LIM2: variants seen among roughly 807,000 people sequenced by gnomAD.
The protein encoded by LIM2 is lens fiber membrane intrinsic protein.
A neutral mutation model predicts 19.0 loss-of-function variants in LIM2; 14 were observed. That is an observed-to-expected ratio of 0.74 (90% CI 0.49 to 1.15). LIM2 has a LOEUF of 1.15. Ranked by LOEUF, LIM2 falls within the 50% of genes most tolerant of loss-of-function variation. The probability of loss-of-function intolerance (pLI) is 0.00; values close to 1 mark genes in which losing one functional copy is unlikely to be tolerated. For synonymous variants in LIM2, 78 were observed against 89.6 expected (o/e 0.87, Z 0.73); for missense variants, 230 against 243.5 (o/e 0.94, Z 0.37).
In LIM2 at chr19:51,380,652, G is replaced by A; in HGVS notation, c.326-13C>T. The A allele has an allele frequency of 6.2e-7, 1 of 1,614,034 alleles. No homozygotes were observed. Among genetic ancestry groups the A allele is most frequent in the Non-Finnish European group, 8.5e-7 (1 of 1,179,986 alleles). ...ACGACGAAAAGGGCTGGGGAGAGAG[G>A]GCGGGAGGATGCAGGTGGGACTAAG... On this transcript the variant is annotated splice_polypyrimidine_tract_variant and intron_variant, in intron 3 of 4. Transcript: ENST00000596399.
At chr19:51,383,337 C>T (rs1039411309) in intron 2 of LIM2, among the ~76,000 whole-genome samples, 5 of 152,102 alleles carry the variant, frequency 3.3e-5, no homozygotes, top group African/African-American at 4.8e-5. Flanking sequence ...GCCCAGCCTA[C>T]TCTTTCATTT....
At chr19:51,384,603 G>A (rs1986982455) in intron 2 of LIM2, among the ~76,000 whole-genome samples, 2 of 152,162 alleles carry the variant, frequency 1.3e-5, no homozygotes, top group African/African-American at 4.8e-5. Context: ...AGCCAGGGAG[G>A]GAGGGACATG....
intron 3 of LIM2, among the ~76,000 whole-genome samples, chr19:51,382,108 G>T (rs1362190432): frequency 6.6e-6 from 1 of 152,204 alleles, no homozygotes; most frequent in African/African-American, 2.4e-5. Context: ...GGTGGCCCAG[G>T]CACCCTGCTT....
chr19:51,387,387 CAGG>C lies in LIM2; in HGVS notation c.54_56del (p.Leu19del), dbSNP rs1418878354. 6.2e-7 allele frequency: 1 copy of C among 1,614,072 alleles called. No individual in the cohort carries two copies. The highest frequency in any genetic ancestry group is 1.3e-5 in the African/African-American group (1 of 74,946). On this transcript the variant is annotated inframe_deletion, in exon 2 of 5. Coordinates refer to ENST00000596399, the MANE Select transcript of LIM2 (RefSeq NM_001161748.2). ...AGTGGTCTGTTGCCATGGCCACCAC[CAGG>C]AGGATGGTCCCCACCCAGGCACAGA...
chr19:51,380,509 G>T lies in LIM2; in HGVS notation c.456C>A (p.Phe152Leu). Residue 152 changes from phenylalanine (F) to leucine (L), a missense_variant, in exon 4 of 5, where the codon TTC becomes TTA. Coordinates refer to ENST00000596399, the MANE Select transcript of LIM2 (RefSeq NM_001161748.2). ...CCCACCCCTTGCCCCCAGTACCTGC[G>T]AAGAACGTCATGAGCACTGCCACCC... Reference protein sequence around the residue: ...LGWVAVLMTFFAGIFYMCAYR... With the variant: ...LGWVAVLMTFLAGIFYMCAYR... 1 of 1,614,138 alleles carries T rather than the reference G, an allele frequency of 6.2e-7. No individual in the cohort carries two copies. The highest frequency in any genetic ancestry group is 8.5e-7 in the Non-Finnish European group (1 of 1,180,026).
rs1987102156 is a variant in LIM2 at position 51,387,459 on chromosome 19, A to C, written c.-6-10T>G. 6.2e-7 allele frequency: 1 copy of C among 1,613,242 alleles called. No homozygotes were observed. Among genetic ancestry groups the C allele is most frequent in the Non-Finnish European group, 8.5e-7 (1 of 1,179,944 alleles). On this transcript the variant is annotated splice_polypyrimidine_tract_variant and intron_variant, in intron 1 of 4. Transcript: ENST00000596399. ...AGCTGTACATGGTGATCTGTGGGGA[A>C]GGGGAGAGATGGGATTGGGAGCTGA...
At chr19:51,386,112 T>A (rs1987033770) in intron 2 of LIM2, among the ~76,000 whole-genome samples, 1 of 151,638 alleles carries the variant, frequency 6.6e-6, no homozygotes, top group Non-Finnish European at 1.5e-5. Context: ...CAATATATTA[T>A]ATATTATTAA....
rs896332910 is a variant in LIM2 at position 51,380,196 on chromosome 19, T to C, written c.*5A>G. The C allele has an allele frequency of 5.6e-6, 9 of 1,613,510 alleles. No individual in the cohort carries two copies. The highest frequency in any genetic ancestry group is 5.9e-6 in the Non-Finnish European group (7 of 1,179,778). On this transcript the variant is annotated 3_prime_UTR_variant, in exon 5 of 5. Transcript: ENST00000596399. ...TCCAGATGAAGTTGGGGGACACATT[T>C]GGGCTCAGCGGGGTGTAGACAGGCG...
rs111804224 is a variant in LIM2, at chr19:51,385,554, C to T, written c.175+1715G>A. On this transcript the variant is annotated intron_variant, in intron 2 of 4. Transcript: ENST00000596399. ...ACAAAACAAAACAAAAACAAACAAA[C>T]GAAAAAACGAAAGACCTTCACCAAG... Among the ~76,000 whole-genome samples, 689 of 152,076 alleles carry T rather than the reference C, an allele frequency of 4.5e-3. 3 individuals are homozygous for T. Among genetic ancestry groups the T allele is most frequent in the African/African-American group, 0.016 (666 of 41,492 alleles).
Position 51,380,110 on chromosome 19 carries a change from AG to A in LIM2, c.*90del. On this transcript the variant is annotated 3_prime_UTR_variant, in exon 5 of 5. Transcript: ENST00000596399. Reference sequence around the variant, plus strand: ...CAGAACTGAGCCCCCTCATTCCCCTAGGAACCAGGATTTCAGGCCTCTAGAC... The same window carrying A: ...CAGAACTGAGCCCCCTCATTCCCCTAGAACCAGGATTTCAGGCCTCTAGAC... The A allele has an allele frequency of 8.2e-7, 1 of 1,221,586 alleles. No homozygotes were observed. The highest frequency in any genetic ancestry group is 1.3e-5 in the South Asian group (1 of 78,550). The allele number at this position is 1,221,586 out of a possible 1,614,324, so 75.7% of individuals were successfully genotyped here. A position where few individuals can be genotyped will look rare whatever the true frequency, so the allele number is the denominator to read the frequency against.
chr19:51,382,402 G>T lies in LIM2; in HGVS notation c.325+16C>A. The T allele has an allele frequency of 6.2e-7, 1 of 1,613,564 alleles. No individual in the cohort carries two copies. Among genetic ancestry groups the T allele is most frequent in the Non-Finnish European group, 8.5e-7 (1 of 1,179,866 alleles). On this transcript the variant is annotated intron_variant, in intron 3 of 4. Coordinates refer to ENST00000596399, the MANE Select transcript of LIM2 (RefSeq NM_001161748.2). Reference sequence around the variant, plus strand: ...GAGAGCGAGGAGAGGGGTAGGGAGAGGGTGGGCTTACTCACTTGAGGAAAA... The same window carrying T: ...GAGAGCGAGGAGAGGGGTAGGGAGATGGTGGGCTTACTCACTTGAGGAAAA...
intron 3 of LIM2, among the ~76,000 whole-genome samples, chr19:51,381,904 A>G (rs568811298): frequency 2.3e-4 from 35 of 152,172 alleles, no homozygotes; most frequent in African/African-American, 7.5e-4. Flanking sequence ...TTTGTTTTGT[A>G]TTTTTAGTAG....
In LIM2 at chr19:51,380,433, C is replaced by G. The variant is rs560411282; in HGVS notation, c.460+72G>C. 9.2e-5 allele frequency: 148 copies of G among 1,609,294 alleles called. No individual in the cohort carries two copies. The African/African-American group carries it at 1.8e-3, about 20-fold the overall frequency. Reference sequence around the variant, plus strand: ...TGCTGTGGGACTCATGTGGGACACCCTGTCATCTTCCACTCTATCTGCTGC... The same window carrying G: ...TGCTGTGGGACTCATGTGGGACACCGTGTCATCTTCCACTCTATCTGCTGC... On this transcript the variant is annotated intron_variant, in intron 4 of 4. Coordinates refer to ENST00000596399, the MANE Select transcript of LIM2 (RefSeq NM_001161748.2).
At chr19:51,383,763 G>C (rs578209567) in intron 2 of LIM2, among the ~76,000 whole-genome samples, 1 of 152,142 alleles carries the variant, frequency 6.6e-6, no homozygotes, top group African/African-American at 2.4e-5. Context: ...TGACTTGCCC[G>C]AAGTCTCATA....
Position 51,380,651 on chromosome 19 carries a change from G to A in LIM2, c.326-12C>T, listed in dbSNP as rs1262736608. On this transcript the variant is annotated splice_polypyrimidine_tract_variant and intron_variant, in intron 3 of 4. Coordinates refer to ENST00000596399, the MANE Select transcript of LIM2 (RefSeq NM_001161748.2). ...CACGACGAAAAGGGCTGGGGAGAGA[G>A]GGCGGGAGGATGCAGGTGGGACTAA... is the stretch of plus-strand genomic sequence containing the variant. 6 of 1,614,052 alleles carry A rather than the reference G, an allele frequency of 3.7e-6. No individual in the cohort carries two copies. The highest frequency in any genetic ancestry group is 5.1e-6 in the Non-Finnish European group (6 of 1,179,992).
chr19:51,382,662 A>T, intron 2 of LIM2, 95 bp from the exon 3 acceptor site: 1 of 1,526,054 alleles, frequency 6.6e-7, no homozygotes, highest in Non-Finnish European at 9.0e-7. Context: ...CCCTTTCCAT[A>T]TCCCTAACCC....
At chr19:51,384,398 T>G (rs1353410839) in intron 2 of LIM2, among the ~76,000 whole-genome samples, 2 of 152,062 alleles carry the variant, frequency 1.3e-5, no homozygotes, top group Admixed American at 1.3e-4. Context: ...TCCACTGCCC[T>G]CCAGCCTGGG....
At position 51,382,004 on chromosome 19, in the gene LIM2, G is replaced by A. The variant is rs1037221375; in HGVS notation, c.325+414C>T. Among the ~76,000 whole-genome samples the A allele has an allele frequency of 2.6e-4, 40 of 152,234 alleles. 1 individual carries two copies. The highest frequency in any genetic ancestry group is 2.5e-3 in the East Asian group (13 of 5,168). On this transcript the variant is annotated intron_variant, in intron 3 of 4. Transcript: ENST00000596399. ...CGGCCTCCCAAAGTGCTGGAATTAC[G>A]GGCGTGAGCCATCGCACCCGGCCTC...
chr19:51,382,650 GC>G, intron 2 of LIM2, 83 bp from the exon 3 acceptor site: 1 of 1,581,156 alleles, frequency 6.3e-7, no homozygotes, highest in Non-Finnish European at 8.7e-7. Flanking sequence ...AAAATGCCTT[GC>G]CCCTTTCCAT....
Sources: allele counts gnomAD v4.1 joint callset (sites outside exome capture counted in the v4.1 genomes callset), GRCh38; gene constraint gnomAD v4.1.1; transcripts MANE v1.5; gene names NCBI Gene and HGNC (gene_info 2026-07-23, HGNC 2026-07-21).